The following CNTN4 variants were observed in gnomAD, a reference collection of about 807,000 sequenced individuals.
The protein encoded by CNTN4 is contactin-4.
A neutral mutation model predicts 122.5 loss-of-function variants in CNTN4; 77 were observed. The ratio of observed to expected loss-of-function variants is 0.63; its 90% CI spans 0.52 to 0.76. CNTN4 has a LOEUF of 0.76. CNTN4 is among the 30% of genes least tolerant of loss of function. The probability of loss-of-function intolerance (pLI) is 0.00; values close to 1 mark genes in which losing one functional copy is unlikely to be tolerated. For synonymous variants in CNTN4, 512 were observed against 447.0 expected, an observed-to-expected ratio of 1.15 and a Z score of -1.83; for missense variants, 1,256 against 1,259.1, an observed-to-expected ratio of 1.00 and a Z score of 0.04.
intron 2 of CNTN4, among the ~76,000 whole-genome samples, chr3:2,160,914 G>A (rs1486445425): frequency 7.2e-5 from 11 of 152,068 alleles, no homozygotes; most frequent in Non-Finnish European, 1.6e-4. Context: ...GAACAAGAAG[G>A]TATAATCCCT....
chr3:2,302,730 A>T (rs2042568633), intron 2 of CNTN4, among the ~76,000 whole-genome samples: 3 of 152,214 alleles, frequency 2.0e-5, no homozygotes, highest in Non-Finnish European at 2.9e-5. Context: ...CCCACTTTAG[A>T]TGCTAAGGTG....
At chr3:2,427,649 TC>T (rs2047892461) in intron 3 of CNTN4, among the ~76,000 whole-genome samples, 1 of 152,080 alleles carries the variant, frequency 6.6e-6, no homozygotes, top group Non-Finnish European at 1.5e-5. Flanking sequence ...GCCTCATGGA[TC>T]TGTCTAATAT....
At chr3:2,146,239 T>C (rs548379732) in intron 2 of CNTN4, among the ~76,000 whole-genome samples, 1 of 151,502 alleles carries the variant, frequency 6.6e-6, no homozygotes, top group South Asian at 2.1e-4. Context: ...ATTAATTCAG[T>C]CATCATATGC....
At chr3:2,125,011 GTGT>G (rs1373546725) in intron 2 of CNTN4, among the ~76,000 whole-genome samples, 1 of 152,184 alleles carries the variant, frequency 6.6e-6, no homozygotes, top group Non-Finnish European at 1.5e-5. Flanking sequence ...GCATAAAACA[GTGT>G]TGTTAACTAT....
intron 5 of CNTN4, among the ~76,000 whole-genome samples, chr3:2,736,730 T>G (rs980165384): frequency 6.6e-6 from 1 of 152,026 alleles, no homozygotes; most frequent in Non-Finnish European, 1.5e-5. Context: ...CCCAAAGTGC[T>G]GGGATTACAG....
chr3:3,038,919 G>A lies in CNTN4; in HGVS notation c.2093-14G>A. 6.2e-7 allele frequency: 1 copy of A among 1,613,182 alleles called. No individual in the cohort carries two copies. Among genetic ancestry groups the A allele is most frequent in the Non-Finnish European group, 8.5e-7 (1 of 1,179,516 alleles). On this transcript the variant is annotated splice_polypyrimidine_tract_variant and intron_variant, in intron 18 of 24. Transcript: ENST00000418658. ...TGCCGCCTGACATAACTTGTTTTTTGTCTCCTTGTGCAGTCCCCGAAGTCA... is the reference window on the plus strand; with the variant it reads ...TGCCGCCTGACATAACTTGTTTTTTATCTCCTTGTGCAGTCCCCGAAGTCA...
chr3:2,898,788 T>G (rs1007220992), intron 10 of CNTN4, among the ~76,000 whole-genome samples: 8 of 152,206 alleles, frequency 5.3e-5, no homozygotes, highest in African/African-American at 1.9e-4. Context: ...CATACTTCTG[T>G]GGCTTTTCTT....
intron 4 of CNTN4, among the ~76,000 whole-genome samples, chr3:2,646,596 T>C (rs2083130941): frequency 6.6e-6 from 1 of 152,240 alleles, no homozygotes; most frequent in Non-Finnish European, 1.5e-5. Context: ...AGTTTCTTTA[T>C]TGTTATCTAT....
intron 20 of CNTN4, among the ~76,000 whole-genome samples, chr3:3,041,791 A>AGCCC (rs1700187137): frequency 6.6e-6 from 1 of 152,078 alleles, no homozygotes; most frequent in African/African-American, 2.4e-5. Context: ...GCAAGATCCA[A>AGCCC]GTCTTTACAA....
intron 13 of CNTN4, among the ~76,000 whole-genome samples, chr3:2,954,037 A>G (rs535341342): frequency 1.3e-5 from 2 of 152,344 alleles, no homozygotes; most frequent in African/African-American, 2.4e-5. Context: ...TTTCTGAATC[A>G]TTAATTCCCA....
chr3:2,711,447 G>A (rs879378784), intron 4 of CNTN4, among the ~76,000 whole-genome samples: 7 of 152,104 alleles, frequency 4.6e-5, no homozygotes, highest in African/African-American at 1.7e-4. Flanking sequence ...CCACAAATAG[G>A]TATTTTTGGA....
rs140747110 is a variant in CNTN4 at position 2,905,463 on chromosome 3, A to G, written c.1207+2458A>G. On this transcript the variant is annotated intron_variant, in intron 12 of 24. Coordinates refer to ENST00000418658, the MANE Select transcript of CNTN4 (RefSeq NM_175607.3). ...GGTGAGGGTCTCTTGGGCCTCTTTT[A>G]TAAGGGCACTAATCCCATTCATAAG... 4.8e-4 allele frequency among the ~76,000 whole-genome samples: 73 copies of G among 152,274 alleles called. No homozygotes were observed. In the East Asian group the frequency reaches 0.01, roughly 21 times the overall value.
At chr3:2,698,701 T>C (rs563422544) in intron 4 of CNTN4, among the ~76,000 whole-genome samples, 71 of 152,280 alleles carry the variant, frequency 4.7e-4, no homozygotes, top group African/African-American at 1.6e-3. Context: ...TCTTTTAAGA[T>C]ATAAAAAGCA....
At chr3:2,516,116 C>G (rs2077032901) in intron 3 of CNTN4, among the ~76,000 whole-genome samples, 1 of 151,908 alleles carries the variant, frequency 6.6e-6, no homozygotes, top group Non-Finnish European at 1.5e-5. Context: ...ATGTGTCTTA[C>G]TATTCTGGAG....
intron 3 of CNTN4, among the ~76,000 whole-genome samples, chr3:2,346,147 G>T (rs1041137756): frequency 6.6e-5 from 10 of 151,884 alleles, no homozygotes; most frequent in African/African-American, 2.4e-4. Flanking sequence ...GTTTCTAAAT[G>T]CTTTTCCACC....
At chr3:2,158,544 C>T (rs1387966370) in intron 2 of CNTN4, among the ~76,000 whole-genome samples, 1 of 152,200 alleles carries the variant, frequency 6.6e-6, no homozygotes, top group African/African-American at 2.4e-5. Flanking sequence ...GTTTGCTCTT[C>T]CACATCTGAA....
chr3:2,770,981 G>GA (rs1052746897), intron 6 of CNTN4, among the ~76,000 whole-genome samples: 1 of 152,178 alleles, frequency 6.6e-6, no homozygotes, highest in African/African-American at 2.4e-5. Flanking sequence ...ATATGTGCTT[G>GA]AAAAATACTG....
chr3:3,023,206 C>T (rs930545524), intron 14 of CNTN4, among the ~76,000 whole-genome samples: 9 of 152,070 alleles, frequency 5.9e-5, no homozygotes, highest in African/African-American at 2.2e-4. Context: ...GATTTTGAAC[C>T]TCTTTAGTTT....
chr3:2,547,327 G>A lies in CNTN4; in HGVS notation c.-88-24089G>A, dbSNP rs552097928. 6.6e-5 allele frequency among the ~76,000 whole-genome samples: 10 copies of A among 151,702 alleles called. No homozygotes were observed. In the East Asian group the frequency reaches 1.8e-3, roughly 27 times the overall value. On this transcript the variant is annotated intron_variant, in intron 3 of 24. Coordinates refer to ENST00000418658, the MANE Select transcript of CNTN4 (RefSeq NM_175607.3). ...CTCTCAGGCTGGAGTGCAATGGCAC[G>A]ATCTCTGCACACTGCAACCTCTGTC...
Sources: gnomAD v4.1 joint callset for allele counts (sites outside exome capture counted in the v4.1 genomes callset) on GRCh38, gnomAD v4.1.1 for gene constraint, MANE v1.5 for transcripts, NCBI Gene and HGNC (gene_info 2026-07-23, HGNC 2026-07-21) for gene names.